The following HNRNPR variants were observed in gnomAD, a reference collection of about 807,000 sequenced individuals.
HNRNPR encodes the protein heterogeneous nuclear ribonucleoprotein R.
HNRNPR carries 4 observed loss-of-function variants against 70.3 expected under a neutral mutation model. The ratio of observed to expected loss-of-function variants is 0.06; its 90% CI spans 0.03 to 0.13. The LOEUF (loss-of-function observed/expected upper bound fraction) is 0.13. HNRNPR is among the 10% of genes least tolerant of loss of function. The pLI is 1.00. For missense variants in HNRNPR, 423 were observed against 788.5 expected (o/e 0.54, Z 5.55); for synonymous variants, 241 against 267.6 (o/e 0.90, Z 0.97).
At chr1:23,343,301 T>C (rs1021028834) in intron 1 of HNRNPR, among the ~76,000 whole-genome samples, 1 of 152,218 alleles carries the variant, frequency 6.6e-6, no homozygotes, top group African/African-American at 2.4e-5. Context: ...AAATTCTTCA[T>C]ATTAAGAGAC....
At chr1:23,325,504 C>CT (rs1328146197) in intron 5 of HNRNPR, among the ~76,000 whole-genome samples, 1 of 152,146 alleles carries the variant, frequency 6.6e-6, no homozygotes, top group Non-Finnish European at 1.5e-5. Context: ...CTTCTACCTC[C>CT]TTAAGGTCCC....
In HNRNPR at chr1:23,304,992, T is replaced by C. The variant is rs900218792; in HGVS notation, c.*5462A>G. 1 of 152,194 alleles carries C rather than the reference T, an allele frequency of 6.6e-6. No individual in the cohort carries two copies. The highest frequency in any genetic ancestry group is 1.5e-5 in the Non-Finnish European group (1 of 68,024). 9.4% of individuals were successfully genotyped at this position (152,194 alleles called of 1,614,324 possible). A position where few individuals can be genotyped will look rare whatever the true frequency, so the allele number is the denominator to read the frequency against. Reference sequence around the variant, plus strand: ...ATCGAAGAGGCTAGAGAAGTCCCTTTTGCCCAACCCTCATATGTGAGAAAT... The same window carrying C: ...ATCGAAGAGGCTAGAGAAGTCCCTTCTGCCCAACCCTCATATGTGAGAAAT... On this transcript the variant is annotated 3_prime_UTR_variant, in exon 11 of 11. Transcript: ENST00000302271.
chr1:23,335,936 T>G (rs1289123956), intron 4 of HNRNPR, among the ~76,000 whole-genome samples: 1 of 143,298 alleles, frequency 7.0e-6, no homozygotes, highest in Non-Finnish European at 1.5e-5. Flanking sequence ...GCTAAAATGG[T>G]GAAACCCCGT....
At chr1:23,342,966 C>A (rs927270831) in intron 1 of HNRNPR, among the ~76,000 whole-genome samples, 3 of 152,042 alleles carry the variant, frequency 2.0e-5, no homozygotes, top group Non-Finnish European at 2.9e-5. Context: ...AACAAAAAAA[C>A]CGTAAAATAA....
At chr1:23,325,819 CCTTA>C (rs774048710) in intron 5 of HNRNPR, among the ~76,000 whole-genome samples, 39 of 152,272 alleles carry the variant, frequency 2.6e-4, no homozygotes, top group Middle Eastern at 6.8e-3. Context: ...ACAAAACACC[CCTTA>C]CTTTAGATTG....
At chr1:23,316,713 T>C (rs661164) in intron 8 of HNRNPR, among the ~76,000 whole-genome samples, 9,111 of 152,194 alleles carry the variant, frequency 0.06, 887 homozygotes, top group African/African-American at 0.21. Context: ...ATAAAATAGA[T>C]GACATTCATG....
intron 5 of HNRNPR, 58 bp downstream of exon 5, chr1:23,333,460 G>T: frequency 9.8e-7 from 1 of 1,016,170 alleles, no homozygotes; most frequent in Non-Finnish European, 1.6e-6. Flanking sequence ...TATCTGCATA[G>T]TAGATAAAAC....
intron 1 of HNRNPR, among the ~76,000 whole-genome samples, chr1:23,343,998 C>T (rs1487428250): frequency 6.6e-6 from 1 of 151,846 alleles, no homozygotes; most frequent in African/African-American, 2.4e-5. Context: ...GCTAAAGGGG[C>T]GGGGGGAGGA....
intron 8 of HNRNPR, among the ~76,000 whole-genome samples, chr1:23,315,288 A>C (rs1645491036): frequency 6.7e-6 from 1 of 149,866 alleles, no homozygotes; most frequent in Admixed American, 6.7e-5. Flanking sequence ...TCAAAAAAAA[A>C]AAAAAAAAAA....
chr1:23,338,985 A>G (rs555787823), intron 2 of HNRNPR, among the ~76,000 whole-genome samples: 196 of 152,354 alleles, frequency 1.3e-3, no homozygotes, highest in Non-Finnish European at 2.6e-3. Flanking sequence ...TGATAAGAAT[A>G]CATTGCGTTT....
Position 23,340,840 on chromosome 1 carries a change from T to C in HNRNPR, c.157+12A>G. 6.3e-7 allele frequency: 1 copy of C among 1,592,952 alleles called. No individual in the cohort carries two copies. The highest frequency in any genetic ancestry group is 8.5e-7 in the Non-Finnish European group (1 of 1,171,354). On this transcript the variant is annotated intron_variant, in intron 2 of 10. Coordinates refer to ENST00000302271, the MANE Select transcript of HNRNPR (RefSeq NM_005826.5). ...TTCATAACCAGTCAGAAACAAGAAA[T>C]GCATATTATACCTGTCTGAAATATT...
chr1:23,338,529 TACAG>T lies in HNRNPR; in HGVS notation c.233_236del (p.Ser78TyrfsTer24). On this transcript the variant is annotated frameshift_variant, in exon 3 of 11. Coordinates refer to ENST00000302271, the MANE Select transcript of HNRNPR (RefSeq NM_005826.5). LOFTEE classifies it high-confidence loss of function. Reference sequence around the variant, plus strand: ...AGTCACTTTCCTTGAACTGCTGTAGTACAGACAGAGCTCCTTCTTCATTAAATTC... The same window carrying T: ...AGTCACTTTCCTTGAACTGCTGTAGTACAGAGCTCCTTCTTCATTAAATTC... The T allele has an allele frequency of 1.3e-6, 2 of 1,594,690 alleles. No individual in the cohort carries two copies. Among genetic ancestry groups the T allele is most frequent in the Non-Finnish European group, 8.6e-7 (1 of 1,167,822 alleles).
At chr1:23,335,559 C>T (rs994581667) in intron 4 of HNRNPR, among the ~76,000 whole-genome samples, 24 of 152,166 alleles carry the variant, frequency 1.6e-4, no homozygotes, top group Non-Finnish European at 2.8e-4. Context: ...GATCAGCAGC[C>T]GCATTAGGTT....
At chr1:23,340,486 TAACA>T (rs1436299170) in intron 2 of HNRNPR, among the ~76,000 whole-genome samples, 2 of 152,158 alleles carry the variant, frequency 1.3e-5, no homozygotes, top group African/African-American at 4.8e-5. Context: ...TAAGCTGATT[TAACA>T]ATCACTTTAA....
intron 1 of HNRNPR, among the ~76,000 whole-genome samples, chr1:23,343,497 A>G (rs1646781917): frequency 6.6e-6 from 1 of 152,208 alleles, no homozygotes; most frequent in Admixed American, 6.5e-5. Flanking sequence ...AAAATTTGGC[A>G]ATACGGCCAC....
intron 6 of HNRNPR, among the ~76,000 whole-genome samples, chr1:23,322,929 C>A (rs1165185118): frequency 1.3e-5 from 2 of 152,056 alleles, no homozygotes; most frequent in Non-Finnish European, 2.9e-5. Context: ...TACTACTGGT[C>A]TGAAATGAGC....
rs1054116033 is a variant in HNRNPR, at chr1:23,338,387, T to C, written c.276+103A>G. 4 of 517,350 alleles carry C rather than the reference T, an allele frequency of 7.7e-6. No homozygotes were observed. The African/African-American group carries it at 7.9e-5, about 10-fold the overall frequency. 32.0% of individuals were successfully genotyped at this position (517,350 alleles called of 1,614,324 possible). A position where few individuals can be genotyped will look rare whatever the true frequency, so the allele number is the denominator to read the frequency against. ...TAAACTAATTTTTTAAAAGAAGAGGTAGTCACAAACAAAAAATACCACTTC... is the reference window on the plus strand; with the variant it reads ...TAAACTAATTTTTTAAAAGAAGAGGCAGTCACAAACAAAAAATACCACTTC... On this transcript the variant is annotated intron_variant, in intron 3 of 10. Transcript: ENST00000302271.
At chr1:23,321,133 A>C (rs1645739928) in intron 7 of HNRNPR, among the ~76,000 whole-genome samples, 1 of 146,970 alleles carries the variant, frequency 6.8e-6, no homozygotes, top group African/African-American at 2.7e-5. Flanking sequence ...ATTGCACTCC[A>C]GCCTAGGCAA....
chr1:23,327,439 G>C (rs1023010042), intron 5 of HNRNPR, among the ~76,000 whole-genome samples: 1 of 152,144 alleles, frequency 6.6e-6, no homozygotes, highest in Non-Finnish European at 1.5e-5. Flanking sequence ...TGCAATCCTA[G>C]CACTTTGGGA....
Sources: allele counts gnomAD v4.1 joint callset (sites outside exome capture counted in the v4.1 genomes callset), GRCh38; gene constraint gnomAD v4.1.1; transcripts MANE v1.5; gene names NCBI Gene and HGNC (gene_info 2026-07-23, HGNC 2026-07-21).